COL5A2: variants seen among roughly 807,000 people sequenced by gnomAD.
The protein encoded by COL5A2 is collagen type V alpha 2 chain, also known as collagen alpha-2(V) chain.
COL5A2 carries 23 observed loss-of-function variants against 208.2 expected under a neutral mutation model. That is an observed-to-expected ratio of 0.11 (90% confidence interval 0.08 to 0.16). COL5A2 has a LOEUF of 0.16. COL5A2 is among the 10% of genes least tolerant of loss of function. The pLI, the probability that COL5A2 is intolerant of heterozygous loss-of-function variation, is 1.00. For synonymous variants in COL5A2, 625 were observed against 628.5 expected (o/e 0.99, Z 0.08); for missense variants, 1,590 against 1,956.4 (o/e 0.81, Z 3.53).
the COL5A2 span, among the ~76,000 whole-genome samples, chr2:189,351,101 T>C: frequency 6.6e-6 from 1 of 152,210 alleles, no homozygotes; most frequent in African/African-American, 2.4e-5. Context: ...AGGAGTCTCC[T>C]TCACTCTCTG....
chr2:189,060,115 A>T (rs1685995887), intron 31 of COL5A2, among the ~76,000 whole-genome samples: 1 of 152,084 alleles, frequency 6.6e-6, no homozygotes, highest in South Asian at 2.1e-4. Context: ...AAAAGATATT[A>T]CTTTGTCTGG....
At chr2:189,358,663 T>C in the COL5A2 span, among the ~76,000 whole-genome samples, 1 of 152,238 alleles carries the variant, frequency 6.6e-6, no homozygotes, top group Non-Finnish European at 1.5e-5. Flanking sequence ...TTGCTTTGGA[T>C]AGTGTGAACA....
At chr2:189,117,169 T>C (rs1260679276) in intron 1 of COL5A2, among the ~76,000 whole-genome samples, 1 of 152,156 alleles carries the variant, frequency 6.6e-6, no homozygotes. Flanking sequence ...GGCCAAAACG[T>C]GAAACTAAAA....
intron 36 of COL5A2, 36 bp from the exon 37 acceptor site, chr2:189,053,984 C>G (rs1459730810): frequency 1.2e-6 from 2 of 1,600,348 alleles, no homozygotes; most frequent in Non-Finnish European, 8.6e-7. Flanking sequence ...CTGTCCAAAA[C>G]AGTAGCTAAA....
the COL5A2 span, among the ~76,000 whole-genome samples, chr2:189,249,592 G>A: frequency 6.6e-6 from 1 of 152,140 alleles, no homozygotes; most frequent in African/African-American, 2.4e-5. Context: ...GAGTAATCCT[G>A]CTTAATTATT....
At chr2:189,178,709 TAAA>T (rs11296800) in intron 1 of COL5A2, among the ~76,000 whole-genome samples, 51 of 118,124 alleles carry the variant, frequency 4.3e-4, no homozygotes, top group Non-Finnish European at 7.3e-4. Flanking sequence ...GATTTATCTT[TAAA>T]AAAAAAAAAA....
chr2:189,058,989 G>A, intron 31 of COL5A2, 96 bp from the exon 32 acceptor site: 2 of 957,390 alleles, frequency 2.1e-6, no homozygotes, highest in Non-Finnish European at 3.3e-6. Flanking sequence ...TTCTATTAAT[G>A]TGCCATTAGA....
At chr2:189,381,494 G>A in the COL5A2 span, among the ~76,000 whole-genome samples, 1 of 151,708 alleles carries the variant, frequency 6.6e-6, no homozygotes, top group South Asian at 2.1e-4. Context: ...TTTTTTCTGG[G>A]TGATTGGGCA....
At chr2:189,300,554 A>G in the COL5A2 span, among the ~76,000 whole-genome samples, 1 of 152,230 alleles carries the variant, frequency 6.6e-6, no homozygotes, top group South Asian at 2.1e-4. Context: ...TTGGAAGGGG[A>G]AAAACCCCAA....
chr2:189,433,216 A>G, the COL5A2 span, among the ~76,000 whole-genome samples: 1 of 152,216 alleles, frequency 6.6e-6, no homozygotes, highest in Non-Finnish European at 1.5e-5. Flanking sequence ...CTAAATGCCC[A>G]CAAGAGAAAG....
rs533119526 is a variant in COL5A2, at chr2:189,206,284, C to T, written c.-42+18864G>A. On this transcript the variant is annotated intron_variant, in intron 1 of 10. Transcript: ENST00000649966. ...ACCATATGCTGAAAGAAGCTTAAAG[C>T]GGGTAAATTCAACAAAGCAGTAGAT... 7.2e-5 allele frequency among the ~76,000 whole-genome samples: 11 copies of T among 152,180 alleles called. No homozygotes were observed. In the East Asian group the frequency reaches 1.5e-3, roughly 21 times the overall value.
the COL5A2 span, among the ~76,000 whole-genome samples, chr2:189,273,184 G>A: frequency 6.6e-6 from 1 of 152,122 alleles, no homozygotes; most frequent in South Asian, 2.1e-4. Flanking sequence ...AGTTTTGAAT[G>A]TGTGAGATCT....
intron 1 of COL5A2, among the ~76,000 whole-genome samples, chr2:189,127,926 C>A (rs112431865): frequency 1.3e-5 from 2 of 151,970 alleles, no homozygotes; most frequent in Admixed American, 6.6e-5. Flanking sequence ...TTCCACAAAA[C>A]GCCCTGAGGT....
chr2:189,254,375 T>C, the COL5A2 span, among the ~76,000 whole-genome samples: 2 of 152,370 alleles, frequency 1.3e-5, no homozygotes, highest in South Asian at 2.1e-4. Flanking sequence ...AAATATTGGT[T>C]GGCTTAACTT....
At chr2:189,239,554 T>A in the COL5A2 span, among the ~76,000 whole-genome samples, 48 of 138,582 alleles carry the variant, frequency 3.5e-4, no homozygotes, top group African/African-American at 1.3e-3. Context: ...TCACTCATAG[T>A]TGGGAATTGA....
At chr2:189,411,162 A>T in the COL5A2 span, among the ~76,000 whole-genome samples, 1 of 152,140 alleles carries the variant, frequency 6.6e-6, no homozygotes, top group Non-Finnish European at 1.5e-5. Flanking sequence ...AAATGATGAT[A>T]TTAATAATAT....
In COL5A2 at chr2:189,065,065, T is replaced by A. The variant is rs776187028; in HGVS notation, c.1564-8A>T. 7.4e-6 allele frequency: 12 copies of A among 1,613,152 alleles called. No homozygotes were observed. Among genetic ancestry groups the A allele is most frequent in the Admixed American group, 3.3e-5 (2 of 59,856 alleles). The stretch of plus-strand genomic sequence containing the variant: ...ACGATTGCCAGGAGCACCCTACAAA[T>A]GACCAAAATGTGATTCTTAATTGTT... On this transcript the variant is annotated splice_region_variant and splice_polypyrimidine_tract_variant and intron_variant, in intron 23 of 53. Transcript: ENST00000374866.
At chr2:189,205,128 A>G (rs1689127145) in intron 1 of COL5A2, among the ~76,000 whole-genome samples, 2 of 152,330 alleles carry the variant, frequency 1.3e-5, no homozygotes, top group Middle Eastern at 3.4e-3. Flanking sequence ...GAAGCAAAGA[A>G]GTATAATTTC....
At chr2:189,231,840 G>A in the COL5A2 span, among the ~76,000 whole-genome samples, 1 of 151,696 alleles carries the variant, frequency 6.6e-6, no homozygotes, top group African/African-American at 2.4e-5. Flanking sequence ...CTTCATTGAG[G>A]AGATTTTGCT....
Sources: allele counts gnomAD v4.1 joint callset (sites outside exome capture counted in the v4.1 genomes callset), GRCh38; gene constraint gnomAD v4.1.1; transcripts MANE v1.5; gene names NCBI Gene and HGNC (gene_info 2026-07-23, HGNC 2026-07-21).